The following MAGI2 variants were observed in gnomAD, a reference collection of about 807,000 sequenced individuals.
MAGI2 encodes the protein membrane associated guanylate kinase, WW and PDZ domain containing 2, also known as membrane-associated guanylate kinase, WW and PDZ domain-containing protein 2.
Under a neutral mutation model 133.3 loss-of-function variants are expected in MAGI2, and 35 were observed. The ratio of observed to expected loss-of-function variants is 0.26; its 90% CI spans 0.20 to 0.35. The LOEUF is 0.35. Among genes scored for constraint, MAGI2 ranks in the 10% least tolerant of loss-of-function variants. The probability of loss-of-function intolerance (pLI) is 1.00; values close to 1 mark genes in which losing one functional copy is unlikely to be tolerated. For synonymous variants in MAGI2, 729 were observed against 710.6 expected, an observed-to-expected ratio of 1.03 and a Z score of -0.41; for missense variants, 1,636 against 1,863.4, an observed-to-expected ratio of 0.88 and a Z score of 2.25.
chr7:78,148,180 G>A (rs1396047805), intron 16 of MAGI2, among the ~76,000 whole-genome samples: 3 of 152,236 alleles, frequency 2.0e-5, no homozygotes, highest in African/African-American at 7.2e-5. Flanking sequence ...ACTATGGTGC[G>A]TCTATACAAT....
At chr7:78,409,649 T>C (rs567642674) in intron 6 of MAGI2, among the ~76,000 whole-genome samples, 62 of 152,196 alleles carry the variant, frequency 4.1e-4, no homozygotes, top group African/African-American at 1.4e-3. Flanking sequence ...TTTCAAAATC[T>C]GTGTTTAAAG....
chr7:78,431,058 G>C (rs1799743074), intron 6 of MAGI2, among the ~76,000 whole-genome samples: 1 of 150,548 alleles, frequency 6.6e-6, no homozygotes, highest in Non-Finnish European at 1.5e-5. Context: ...TTGCCTGTTG[G>C]AATCAGTGAG....
At chr7:78,516,354 GTT>G (rs1563110629) in intron 4 of MAGI2, among the ~76,000 whole-genome samples, 12 of 152,026 alleles carry the variant, frequency 7.9e-5, no homozygotes, top group African/African-American at 2.4e-4. Flanking sequence ...TGTTTTTGTT[GTT>G]GTTGTTGTTT....
chr7:78,535,030 G>A (rs1797766571), intron 3 of MAGI2, among the ~76,000 whole-genome samples: 1 of 152,190 alleles, frequency 6.6e-6, no homozygotes, highest in South Asian at 2.1e-4. Flanking sequence ...CTACTTGGGA[G>A]GCTGAGGCAG....
At chr7:78,054,254 T>A (rs1198279360) in intron 21 of MAGI2, among the ~76,000 whole-genome samples, 1 of 152,064 alleles carries the variant, frequency 6.6e-6, no homozygotes, top group Non-Finnish European at 1.5e-5. Context: ...GCCTCCTGAG[T>A]AGCTGCGACT....
chr7:78,922,591 G>C (rs912509944), intron 2 of MAGI2, among the ~76,000 whole-genome samples: 2 of 151,978 alleles, frequency 1.3e-5, no homozygotes, highest in Non-Finnish European at 2.9e-5. Context: ...CCAGTCTATC[G>C]TTGTTGGACA....
At chr7:79,051,562 CAT>C (rs1337632057) in intron 1 of MAGI2, among the ~76,000 whole-genome samples, 3 of 152,100 alleles carry the variant, frequency 2.0e-5, no homozygotes, top group Non-Finnish European at 4.4e-5. Context: ...TCTTATTGCA[CAT>C]GTCTTTTATA....
intron 1 of MAGI2, among the ~76,000 whole-genome samples, chr7:79,333,263 GA>G (rs1840213260): frequency 6.6e-6 from 1 of 152,052 alleles, no homozygotes; most frequent in Non-Finnish European, 1.5e-5. Context: ...GAGTAGCCGG[GA>G]TTACAGGCAC....
At chr7:78,926,185 GTTTA>G (rs1211878553) in intron 2 of MAGI2, among the ~76,000 whole-genome samples, 1 of 151,874 alleles carries the variant, frequency 6.6e-6, no homozygotes, top group Non-Finnish European at 1.5e-5. Flanking sequence ...TTTAATTACA[GTTTA>G]TTTTTCTTTA....
At position 78,506,642 on chromosome 7, in the gene MAGI2, A is replaced by T. The variant is rs1400907403; in HGVS notation, c.755-4855T>A. ...AAGGGTGTTGAAGACAAGACACTTA[A>T]CTGTGGCCAAAGCTTCTGCACAGTC... On this transcript the variant is annotated intron_variant, in intron 4 of 21. Transcript: ENST00000354212. Among the ~76,000 whole-genome samples, 3 of 152,368 alleles carry T rather than the reference A, an allele frequency of 2.0e-5. No homozygotes were observed. The East Asian group carries it at 5.8e-4, about 29-fold the overall frequency.
intron 2 of MAGI2, among the ~76,000 whole-genome samples, chr7:78,821,092 T>TAAGTAA: frequency 6.6e-6 from 1 of 152,156 alleles, no homozygotes; most frequent in East Asian, 1.9e-4. Flanking sequence ...CAGCATTTGA[T>TAAGTAA]TAGTAATAAG....
chr7:79,291,463 T>G (rs1267707727), intron 1 of MAGI2, among the ~76,000 whole-genome samples: 3 of 152,196 alleles, frequency 2.0e-5, no homozygotes, highest in African/African-American at 7.2e-5. Context: ...ATGGCAACTT[T>G]CTGTTTAATA....
At chr7:78,872,564 T>G (rs1269424636) in intron 2 of MAGI2, among the ~76,000 whole-genome samples, 1 of 151,528 alleles carries the variant, frequency 6.6e-6, no homozygotes, top group African/African-American at 2.4e-5. Flanking sequence ...TAGTAAAATA[T>G]TAGTGATAGT....
chr7:78,125,481 TAATCAATTAGA>T (rs1820890287), intron 20 of MAGI2, among the ~76,000 whole-genome samples: 2 of 152,186 alleles, frequency 1.3e-5, no homozygotes, highest in South Asian at 4.1e-4. Context: ...TTACTGAGGT[TAATCAATTAGA>T]AGGTCATAAG....
At chr7:78,662,427 TA>T (rs1460696327) in intron 2 of MAGI2, among the ~76,000 whole-genome samples, 1 of 152,178 alleles carries the variant, frequency 6.6e-6, no homozygotes, top group African/African-American at 2.4e-5. Context: ...AGCACTTCCT[TA>T]AGGTCTATAT....
At chr7:78,438,604 G>A (rs1026832730) in intron 6 of MAGI2, among the ~76,000 whole-genome samples, 3 of 152,116 alleles carry the variant, frequency 2.0e-5, no homozygotes, top group Non-Finnish European at 2.9e-5. Flanking sequence ...TGAAAAATCC[G>A]TTGCTGTCCT....
At chr7:78,062,685 C>T (rs1813407102) in intron 21 of MAGI2, among the ~76,000 whole-genome samples, 2 of 152,212 alleles carry the variant, frequency 1.3e-5, no homozygotes, top group Admixed American at 1.3e-4. Flanking sequence ...AGCTCAGCCC[C>T]ACTTATGGCT....
At chr7:78,401,470 C>G (rs1796860110) in intron 6 of MAGI2, among the ~76,000 whole-genome samples, 1 of 148,366 alleles carries the variant, frequency 6.7e-6, no homozygotes, top group Admixed American at 6.8e-5. Context: ...TCTCTCTCCC[C>G]CTCTCTCTCT....
chr7:78,644,938 A>G (rs1031094805), intron 2 of MAGI2, among the ~76,000 whole-genome samples: 5 of 152,228 alleles, frequency 3.3e-5, no homozygotes, highest in Non-Finnish European at 7.3e-5. Context: ...ATGTAAGTTC[A>G]TTACAAGTTT....
Sources: allele counts gnomAD v4.1 joint callset (sites outside exome capture counted in the v4.1 genomes callset), GRCh38; gene constraint gnomAD v4.1.1; transcripts MANE v1.5; gene names NCBI Gene and HGNC (gene_info 2026-07-23, HGNC 2026-07-21).